Variants in WDFY2 observed in about 807,000 individuals in gnomAD.
The protein encoded by WDFY2 is WD repeat and FYVE domain containing 2, also known as WD repeat and FYVE domain-containing protein 2.
In WDFY2, 36 loss-of-function variants were observed where a neutral mutation model predicts 56.4. The ratio of observed to expected loss-of-function variants is 0.64; its 90% CI spans 0.49 to 0.84. The LOEUF (loss-of-function observed/expected upper bound fraction) is 0.84. Among genes scored for constraint, WDFY2 ranks in the 40% least tolerant of loss-of-function variants. The pLI is 0.00. For missense variants in WDFY2, 444 were observed against 512.2 expected (o/e 0.87, Z 1.29); for synonymous variants, 176 against 183.7 (o/e 0.96, Z 0.34).
At chr13:51,699,492 C>T (rs1229658979) in intron 3 of WDFY2, among the ~76,000 whole-genome samples, 1 of 152,166 alleles carries the variant, frequency 6.6e-6, no homozygotes, top group East Asian at 1.9e-4. Context: ...TTACGCTTTG[C>T]TTCACGCTGT....
chr13:51,696,205 C>T (rs896402231), intron 3 of WDFY2, among the ~76,000 whole-genome samples: 5 of 152,202 alleles, frequency 3.3e-5, no homozygotes, highest in African/African-American at 1.2e-4. Context: ...CACTGTCTGG[C>T]ACTCCCTAGT....
chr13:51,587,900 A>G (rs1953974855), intron 1 of WDFY2: 2 of 152,218 alleles, frequency 1.3e-5, no homozygotes, highest in East Asian at 3.8e-4. Flanking sequence ...CTTCAAGCCC[A>G]AGAGTGGATA....
Position 51,668,563 on chromosome 13 carries a change from A to G in WDFY2, c.206-6607A>G, listed in dbSNP as rs569745554. On this transcript the variant is annotated intron_variant, in intron 2 of 11. Transcript: ENST00000298125. ...CTGCAAATCTAATAAATATTATTCT[A>G]TTATAAGCAGGGCTGAATGAAATAG... Among the ~76,000 whole-genome samples, 12 of 152,344 alleles carry G rather than the reference A, an allele frequency of 7.9e-5. No individual in the cohort carries two copies. In the South Asian group the frequency reaches 1.7e-3, roughly 21 times the overall value.
chr13:51,668,582 G>A (rs1010306863), intron 2 of WDFY2, among the ~76,000 whole-genome samples: 4 of 152,216 alleles, frequency 2.6e-5, no homozygotes, highest in African/African-American at 9.6e-5. Flanking sequence ...AGGGCTGAAT[G>A]AAATAGTGTC....
At chr13:51,609,152 A>G (rs974809104) in intron 1 of WDFY2, among the ~76,000 whole-genome samples, 1 of 152,236 alleles carries the variant, frequency 6.6e-6, no homozygotes, top group African/African-American at 2.4e-5. Flanking sequence ...CACATATGAC[A>G]TAAATGTATG....
chr13:51,617,344 T>C (rs1421463386), intron 1 of WDFY2, among the ~76,000 whole-genome samples: 1 of 149,888 alleles, frequency 6.7e-6, no homozygotes, highest in Non-Finnish European at 1.5e-5. Context: ...AGAATTCTTT[T>C]TCTTTTTTTT....
rs767532175 is a variant in WDFY2 at position 51,756,720 on chromosome 13, G to A, written c.1064+258G>A. On this transcript the variant is annotated intron_variant, in intron 10 of 11. Coordinates refer to ENST00000298125, the MANE Select transcript of WDFY2 (RefSeq NM_052950.4). ...TAGGTTATGTGCCTTTAAATTAGCT[G>A]CTCCCAGAACAAACCCTTCTGTCTG... 22 of 866,132 alleles carry A rather than the reference G, an allele frequency of 2.5e-5. No individual in the cohort carries two copies. The Admixed American group carries it at 5.6e-4, about 22-fold the overall frequency. The allele number at this position is 866,132 out of a possible 1,614,324, so 53.7% of individuals were successfully genotyped here.
At chr13:51,657,654 C>A (rs769747321) in intron 1 of WDFY2, among the ~76,000 whole-genome samples, 16 of 151,974 alleles carry the variant, frequency 1.1e-4, no homozygotes, top group Non-Finnish European at 1.8e-4. Context: ...ATTCTTTTTT[C>A]TTTCTTCTTC....
At position 51,613,381 on chromosome 13, in the gene WDFY2, G is replaced by A. The variant is rs567524583; in HGVS notation, c.137+28557G>A. ...CTTGCGGGGCTTTTGCTCATTCTTC[G>A]GTTCTGAGAGGCTGGCTAGCTAAAG... On this transcript the variant is annotated intron_variant, in intron 1 of 11. Coordinates refer to ENST00000298125, the MANE Select transcript of WDFY2 (RefSeq NM_052950.4). Among the ~76,000 whole-genome samples the A allele has an allele frequency of 7.2e-5, 11 of 152,174 alleles. No homozygotes were observed. The East Asian group carries it at 1.9e-3, about 27-fold the overall frequency.
At chr13:51,606,779 A>G (rs1368753266) in intron 1 of WDFY2, among the ~76,000 whole-genome samples, 2 of 152,122 alleles carry the variant, frequency 1.3e-5, no homozygotes, top group Non-Finnish European at 2.9e-5. Context: ...GTAAAATGGA[A>G]AGACATTTTC....
intron 4 of WDFY2, among the ~76,000 whole-genome samples, chr13:51,713,780 G>A (rs532989751): frequency 6.6e-6 from 1 of 150,472 alleles, no homozygotes; most frequent in South Asian, 2.1e-4. Flanking sequence ...CCAGGAGGTG[G>A]AGGTTGCAGT....
intron 1 of WDFY2, among the ~76,000 whole-genome samples, chr13:51,633,066 C>CTTT (rs1215214808): frequency 6.6e-6 from 1 of 152,176 alleles, no homozygotes; most frequent in Non-Finnish European, 1.5e-5. Context: ...GCAGGGCAGA[C>CTTT]TTTGTCTTTG....
chr13:51,734,959 G>C (rs1331516247), intron 6 of WDFY2, among the ~76,000 whole-genome samples: 2 of 152,224 alleles, frequency 1.3e-5, no homozygotes, highest in Non-Finnish European at 1.5e-5. Flanking sequence ...GTGTGGGTTG[G>C]GGTATGAGAT....
intron 5 of WDFY2, 86 bp from the exon 6 acceptor site, chr13:51,727,592 A>G: frequency 7.7e-7 from 1 of 1,294,334 alleles, no homozygotes; most frequent in Non-Finnish European, 1.1e-6. Flanking sequence ...GGATTTGCGT[A>G]TTTCTTGTTA....
intron 3 of WDFY2, among the ~76,000 whole-genome samples, chr13:51,690,009 G>A (rs1056273502): frequency 3.3e-5 from 5 of 151,896 alleles, no homozygotes; most frequent in African/African-American, 1.2e-4. Flanking sequence ...GTTAAGCTGC[G>A]CATTAATGAG....
rs565334802 is a variant in WDFY2, at chr13:51,683,500, T to A, written c.279+8257T>A. 1.7e-4 allele frequency among the ~76,000 whole-genome samples: 26 copies of A among 152,352 alleles called. No individual in the cohort carries two copies. The East Asian group carries it at 4.6e-3, about 27-fold the overall frequency. The stretch of plus-strand genomic sequence containing the variant: ...TGCAAGGTTTCAAGCCCAGATGGGC[T>A]GGTGTGTGGCATTTTACTGTTACTC... On this transcript the variant is annotated intron_variant, in intron 3 of 11. Coordinates refer to ENST00000298125, the MANE Select transcript of WDFY2 (RefSeq NM_052950.4).
chr13:51,607,649 AT>A (rs1207557506), intron 1 of WDFY2, among the ~76,000 whole-genome samples: 1 of 152,182 alleles, frequency 6.6e-6, no homozygotes, highest in Non-Finnish European at 1.5e-5. Context: ...AACAACAAAA[AT>A]TCAATGTAAA....
At chr13:51,632,075 T>TGG (rs1954963274) in intron 1 of WDFY2, among the ~76,000 whole-genome samples, 1 of 152,208 alleles carries the variant, frequency 6.6e-6, no homozygotes, top group South Asian at 2.1e-4. Context: ...AATTTAGAAT[T>TGG]TGTGTGTCAT....
intron 4 of WDFY2, among the ~76,000 whole-genome samples, chr13:51,715,854 T>C (rs1047007053): frequency 2.0e-5 from 3 of 152,292 alleles, no homozygotes; most frequent in South Asian, 2.1e-4. Flanking sequence ...TATAATCTTA[T>C]GGTGCCACAG....
Sources: gnomAD v4.1 joint callset for allele counts (sites outside exome capture counted in the v4.1 genomes callset) on GRCh38, gnomAD v4.1.1 for gene constraint, MANE v1.5 for transcripts, NCBI Gene and HGNC (gene_info 2026-07-23, HGNC 2026-07-21) for gene names.